PRR16: variants seen among roughly 807,000 people sequenced by gnomAD.
PRR16 encodes the protein proline rich 16.
Under a neutral mutation model 18.2 loss-of-function variants are expected in PRR16, and 6 were observed. The observed-to-expected ratio is 0.33, with a 90% CI of 0.18 to 0.65. The LOEUF (loss-of-function observed/expected upper bound fraction) is 0.65. Among genes scored for constraint, PRR16 ranks in the 30% least tolerant of loss-of-function variants. PRR16 has a pLI of 0.74. For missense variants in PRR16, 412 were observed against 376.6 expected (o/e 1.09, Z -0.78); for synonymous variants, 151 against 147.8 (o/e 1.02, Z -0.16).
intron 1 of PRR16, among the ~76,000 whole-genome samples, chr5:120,535,076 CGTGT>C (rs34220996): frequency 1.5e-3 from 219 of 146,420 alleles, no homozygotes; most frequent in African/African-American, 5.0e-3. Context: ...TCACTTTACA[CGTGT>C]GTGTGTGTGT....
At chr5:120,747,436 G>A in the PRR16 span, among the ~76,000 whole-genome samples, 1 of 152,258 alleles carries the variant, frequency 6.6e-6, no homozygotes, top group East Asian at 1.9e-4. Flanking sequence ...TTTTCAATTA[G>A]ATTGCATCTG....
At chr5:120,775,250 T>C in the PRR16 span, among the ~76,000 whole-genome samples, 30 of 152,320 alleles carry the variant, frequency 2.0e-4, no homozygotes, top group African/African-American at 6.7e-4. Flanking sequence ...TAATAGCATA[T>C]ACTATACAGT....
At chr5:120,724,286 C>T in the PRR16 span, among the ~76,000 whole-genome samples, 26 of 152,130 alleles carry the variant, frequency 1.7e-4, no homozygotes, top group African/African-American at 2.4e-4. Context: ...TGATTAAGAA[C>T]GCAGGACCTG....
At chr5:120,640,251 A>G (rs1430125107) in intron 1 of PRR16, among the ~76,000 whole-genome samples, 1 of 151,902 alleles carries the variant, frequency 6.6e-6, no homozygotes, top group Non-Finnish European at 1.5e-5. Context: ...AGCAACACAC[A>G]ATTTACCCAT....
the PRR16 span, among the ~76,000 whole-genome samples, chr5:120,758,012 C>T: frequency 5.3e-4 from 52 of 97,386 alleles, no homozygotes; most frequent in Non-Finnish European, 1.0e-3. Context: ...TTTAATATGG[C>T]TACTTTTGTA....
intron 1 of PRR16, among the ~76,000 whole-genome samples, chr5:120,593,271 G>T (rs59263367): frequency 6.6e-6 from 1 of 151,618 alleles, no homozygotes; most frequent in Non-Finnish European, 1.5e-5. Context: ...TAACTAGAAG[G>T]AAAGAAAGAA....
chr5:120,481,362 C>G (rs1749607558), intron 1 of PRR16: 1 of 348,586 alleles, frequency 2.9e-6, no homozygotes, highest in African/African-American at 2.2e-5. Flanking sequence ...AACTCTTGAG[C>G]TCAGGTGATC....
intron 1 of PRR16, among the ~76,000 whole-genome samples, chr5:120,673,219 A>C (rs571799601): frequency 6.6e-6 from 1 of 152,360 alleles, no homozygotes; most frequent in South Asian, 2.1e-4. Context: ...GTGATGCTTT[A>C]GTATCACTTT....
intron 1 of PRR16, among the ~76,000 whole-genome samples, chr5:120,480,387 G>A (rs1217276511): frequency 6.6e-6 from 1 of 152,110 alleles, no homozygotes; most frequent in Non-Finnish European, 1.5e-5. Flanking sequence ...TTTACTTTGC[G>A]TGAGTACTGC....
intron 1 of PRR16, among the ~76,000 whole-genome samples, chr5:120,679,720 G>A (rs1227614368): frequency 1.3e-5 from 2 of 152,022 alleles, no homozygotes; most frequent in East Asian, 1.9e-4. Flanking sequence ...GGACTTGAAC[G>A]ACATTATGCT....
At chr5:120,678,516 G>A (rs898612570) in intron 1 of PRR16, among the ~76,000 whole-genome samples, 1 of 152,120 alleles carries the variant, frequency 6.6e-6, no homozygotes, top group Non-Finnish European at 1.5e-5. Flanking sequence ...ATGGAAACAC[G>A]TGCTTATATG....
chr5:120,486,400 GT>G (rs1273583051), intron 1 of PRR16, among the ~76,000 whole-genome samples: 5 of 150,322 alleles, frequency 3.3e-5, no homozygotes, highest in African/African-American at 5.0e-5. Flanking sequence ...CTGATGGCCA[GT>G]GATGATGAGC....
intron 1 of PRR16, among the ~76,000 whole-genome samples, chr5:120,490,244 T>G (rs1257665720): frequency 3.3e-5 from 5 of 152,106 alleles, no homozygotes; most frequent in African/African-American, 9.7e-5. Flanking sequence ...TCCTGCAGAG[T>G]GTTTTCCATC....
the PRR16 span, among the ~76,000 whole-genome samples, chr5:120,707,365 A>G: frequency 6.6e-6 from 1 of 152,190 alleles, no homozygotes; most frequent in Admixed American, 6.5e-5. Context: ...AAAGTCCTCC[A>G]TGGGAGGAGA....
chr5:120,789,177 A>G, the PRR16 span, among the ~76,000 whole-genome samples: 3 of 152,106 alleles, frequency 2.0e-5, no homozygotes, highest in African/African-American at 7.2e-5. Flanking sequence ...ATTAATCATT[A>G]TACTAGGTTT....
chr5:120,616,739 G>C (rs1374325886), intron 1 of PRR16, among the ~76,000 whole-genome samples: 1 of 152,126 alleles, frequency 6.6e-6, no homozygotes, highest in East Asian at 1.9e-4. Flanking sequence ...AATATTGAAT[G>C]ATGAGTCAGT....
the PRR16 span, among the ~76,000 whole-genome samples, chr5:120,757,839 A>T: frequency 6.6e-6 from 1 of 152,074 alleles, no homozygotes; most frequent in Non-Finnish European, 1.5e-5. Context: ...TGATATTGCT[A>T]GCCTCGATTT....
intron 1 of PRR16, among the ~76,000 whole-genome samples, chr5:120,536,568 A>G (rs1224227136): frequency 6.6e-6 from 1 of 152,224 alleles, no homozygotes; most frequent in African/African-American, 2.4e-5. Flanking sequence ...TATGTGAATG[A>G]ATGAAGAGAA....
rs577252440 is a variant in PRR16, at chr5:120,502,695, T to G, written c.159+38050T>G. Among the ~76,000 whole-genome samples, 2 of 152,198 alleles carry G rather than the reference T, an allele frequency of 1.3e-5. 1 individual carries two copies. The highest frequency in any genetic ancestry group is 1.3e-4 in the Admixed American group (2 of 15,284). On this transcript the variant is annotated intron_variant, in intron 1 of 1. Transcript: ENST00000407149. The stretch of plus-strand genomic sequence containing the variant: ...TCCCTATTGGAGACAATTTTCTTTT[T>G]ATTAGTCGAAGCATGTGACCTTGCC...
Sources: gnomAD v4.1 joint callset for allele counts (sites outside exome capture counted in the v4.1 genomes callset) on GRCh38, gnomAD v4.1.1 for gene constraint, MANE v1.5 for transcripts, NCBI Gene and HGNC (gene_info 2026-07-23, HGNC 2026-07-21) for gene names.